Variants in ECM2 observed in about 807,000 individuals in gnomAD.
ECM2 encodes the protein extracellular matrix protein 2, female organ and adipocyte specific.
Under a neutral mutation model 67.5 loss-of-function variants are expected in ECM2, and 57 were observed. The ratio of observed to expected loss-of-function variants is 0.84; its 90% CI spans 0.68 to 1.05. The LOEUF (loss-of-function observed/expected upper bound fraction) is 1.05, where lower values mean the gene tolerates loss of function less well. ECM2 is among the 50% of genes least tolerant of loss of function. The pLI is 0.00. For missense variants in ECM2, 741 were observed against 822.8 expected (o/e 0.90, Z 1.22); for synonymous variants, 258 against 294.5 (o/e 0.88, Z 1.27).
chr9:92,503,346 G>A (rs1846801812), intron 7 of ECM2, among the ~76,000 whole-genome samples: 1 of 152,194 alleles, frequency 6.6e-6, no homozygotes, highest in African/African-American at 2.4e-5. Flanking sequence ...AGACAGGGAA[G>A]CCCACCCGTG....
At chr9:92,520,703 C>A (rs1460592894) in intron 2 of ECM2, among the ~76,000 whole-genome samples, 1 of 151,996 alleles carries the variant, frequency 6.6e-6, no homozygotes, top group Non-Finnish European at 1.5e-5. Context: ...TGGAAACAGC[C>A]CAGATGTTCA....
chr9:92,558,562 C>T, the ECM2 span, among the ~76,000 whole-genome samples: 1 of 152,094 alleles, frequency 6.6e-6, no homozygotes, highest in Non-Finnish European at 1.5e-5. Flanking sequence ...GCAATGGACA[C>T]CATGAGGGTC....
At chr9:92,497,064 G>A (rs1846388488) in intron 9 of ECM2, among the ~76,000 whole-genome samples, 1 of 151,958 alleles carries the variant, frequency 6.6e-6, no homozygotes, top group African/African-American at 2.4e-5. Context: ...GCAATATCTA[G>A]TAAAATTACA....
At chr9:92,548,906 A>G in the ECM2 span, among the ~76,000 whole-genome samples, 1 of 152,202 alleles carries the variant, frequency 6.6e-6, no homozygotes. Context: ...TCTAAACTCT[A>G]TAGGGAAATG....
At chr9:92,531,113 GTTTATA>G (rs1413638933) in intron 1 of ECM2, among the ~76,000 whole-genome samples, 1 of 151,958 alleles carries the variant, frequency 6.6e-6, no homozygotes, top group Non-Finnish European at 1.5e-5. Flanking sequence ...CATTTAGGCT[GTTTATA>G]TTTAATGTAA....
chr9:92,494,494 T>C (rs1000872084), downstream of ECM2, among the ~76,000 whole-genome samples: 5 of 152,204 alleles, frequency 3.3e-5, no homozygotes, highest in Admixed American at 1.3e-4. Flanking sequence ...GTTTTCTTCC[T>C]AACAACCTGC....
the ECM2 span, among the ~76,000 whole-genome samples, chr9:92,555,110 CTCTA>C: frequency 6.7e-6 from 1 of 148,482 alleles, no homozygotes; most frequent in African/African-American, 2.5e-5. Context: ...TTCCTTCTTT[CTCTA>C]TCTTACAGAA....
chr9:92,507,151 C>T (rs1847056569), intron 6 of ECM2, among the ~76,000 whole-genome samples: 1 of 152,114 alleles, frequency 6.6e-6, no homozygotes, highest in Admixed American at 6.5e-5. Context: ...GATGGCAGGA[C>T]AAGGGCCACA....
chr9:92,502,665 G>T lies in ECM2; in HGVS notation c.1465-13C>A. 6.5e-7 allele frequency: 1 copy of T among 1,532,094 alleles called. No individual in the cohort carries two copies. The highest frequency in any genetic ancestry group is 1.2e-5 in the South Asian group (1 of 85,008). 94.9% of individuals were successfully genotyped at this position (1,532,094 alleles called of 1,614,324 possible). A position where few individuals can be genotyped will look rare whatever the true frequency, so the allele number is the denominator to read the frequency against. ...CTAGGTATAATTCCTATAATTAAGA[G>T]AGAAGACTATTATTTTTCTTTTGTG... On this transcript the variant is annotated splice_polypyrimidine_tract_variant and intron_variant, in intron 7 of 9. Coordinates refer to ENST00000344604, the MANE Select transcript of ECM2 (RefSeq NM_001393.4).
intron 3 of ECM2, chr9:92,516,907 A>C (rs1016581264): frequency 1.3e-5 from 2 of 152,254 alleles, no homozygotes; most frequent in African/African-American, 4.8e-5. Flanking sequence ...GCATGGGAGC[A>C]ATCTACCTTG....
At chr9:92,546,641 A>T in the ECM2 span, among the ~76,000 whole-genome samples, 1 of 152,202 alleles carries the variant, frequency 6.6e-6, no homozygotes, top group Admixed American at 6.5e-5. Context: ...CAAACTCTGG[A>T]CACGCTGCCT....
chr9:92,506,035 G>A (rs1027558021), intron 6 of ECM2, among the ~76,000 whole-genome samples: 2 of 152,196 alleles, frequency 1.3e-5, no homozygotes, highest in Non-Finnish European at 2.9e-5. Context: ...TGTGGTGGCT[G>A]AACAGGGATT....
upstream of ECM2, chr9:92,536,535 A>G (rs7858864): frequency 3.9e-5 from 6 of 152,960 alleles, no homozygotes; most frequent in African/African-American, 1.4e-4. Flanking sequence ...AGTGGAAATT[A>G]TGTAACTTCT....
Position 92,496,331 on chromosome 9 carries a change from G to T in ECM2, c.2084C>A (p.Pro695Gln), listed in dbSNP as rs1846341258. The change falls in exon 10 of 10, where the codon CCA becomes CAA. Residue 695 changes from proline to glutamine, a missense_variant. Coordinates refer to ENST00000344604, the MANE Select transcript of ECM2 (RefSeq NM_001393.4). Reference protein sequence around the residue: ...IRSYSSIVLKPQNIK With the variant: ...IRSYSSIVLKQQNIK ...AACTTGGAATTACTTGATGTTTTGTGGTTTAAGAACGATACTTGAGTATGA... is the reference window on the plus strand; with the variant it reads ...AACTTGGAATTACTTGATGTTTTGTTGTTTAAGAACGATACTTGAGTATGA... 1 of 1,584,104 alleles carries T rather than the reference G, an allele frequency of 6.3e-7. No homozygotes were observed. Among genetic ancestry groups the T allele is most frequent in the African/African-American group, 1.4e-5 (1 of 72,974 alleles).
downstream of ECM2, chr9:92,494,058 C>A: frequency 1.3e-6 from 2 of 1,596,214 alleles, no homozygotes; most frequent in South Asian, 2.2e-5. Context: ...GCTTACTTGT[C>A]TGTTTGATTT....
chr9:92,519,307 GA>G (rs1847921420), intron 2 of ECM2, among the ~76,000 whole-genome samples: 1 of 152,108 alleles, frequency 6.6e-6, no homozygotes, highest in African/African-American at 2.4e-5. Context: ...TGCAGAAATG[GA>G]AAAGCTGATC....
intron 2 of ECM2, among the ~76,000 whole-genome samples, chr9:92,519,602 A>C (rs1462459944): frequency 6.6e-6 from 1 of 152,234 alleles, no homozygotes; most frequent in Non-Finnish European, 1.5e-5. Flanking sequence ...AACACCAGCA[A>C]GAGAATGAAG....
At chr9:92,555,704 T>C in the ECM2 span, among the ~76,000 whole-genome samples, 1 of 152,194 alleles carries the variant, frequency 6.6e-6, no homozygotes, top group African/African-American at 2.4e-5. Flanking sequence ...CCTTGAATGA[T>C]CTTTTGTATT....
chr9:92,537,232 A>G (rs1849203329), upstream of ECM2, among the ~76,000 whole-genome samples: 4 of 152,248 alleles, frequency 2.6e-5, no homozygotes, highest in Middle Eastern at 0.01. Context: ...GAGGAGCTAA[A>G]TATTTGTTTA....
Sources: allele counts gnomAD v4.1 joint callset (sites outside exome capture counted in the v4.1 genomes callset), GRCh38; gene constraint gnomAD v4.1.1; transcripts MANE v1.5; gene names NCBI Gene and HGNC (gene_info 2026-07-23, HGNC 2026-07-21).